The following LRRC4C variants were observed in gnomAD, a reference collection of about 807,000 sequenced individuals.
The protein encoded by LRRC4C is leucine rich repeat containing 4C, also known as leucine-rich repeat-containing protein 4C.
In LRRC4C, 5 loss-of-function variants were observed where a neutral mutation model predicts 33.6. The observed-to-expected ratio is 0.15, with a 90% CI of 0.08 to 0.31. The LOEUF (loss-of-function observed/expected upper bound fraction) is 0.31. LRRC4C is among the 10% of genes least tolerant of loss of function. LRRC4C has a pLI of 1.00. For missense variants in LRRC4C, 560 were observed against 796.7 expected, an observed-to-expected ratio of 0.70 and a Z score of 3.58; for synonymous variants, 329 against 302.0, an observed-to-expected ratio of 1.09 and a Z score of -0.93.
At chr11:40,737,290 T>A (rs528739816) in intron 2 of LRRC4C, among the ~76,000 whole-genome samples, 2 of 152,278 alleles carry the variant, frequency 1.3e-5, no homozygotes, top group South Asian at 4.1e-4. Context: ...TCTGGAAGCA[T>A]TCCCTTTGAA....
At chr11:40,841,893 C>T (rs1002895307) in intron 2 of LRRC4C, among the ~76,000 whole-genome samples, 3 of 152,178 alleles carry the variant, frequency 2.0e-5, no homozygotes, top group Non-Finnish European at 4.4e-5. Flanking sequence ...CTTCCAGTAA[C>T]CACACTCTAG....
intron 3 of LRRC4C, among the ~76,000 whole-genome samples, chr11:40,626,692 G>A (rs929545422): frequency 6.6e-6 from 1 of 152,156 alleles, no homozygotes; most frequent in Non-Finnish European, 1.5e-5. Context: ...TCCACATACA[G>A]TCCTAATATC....
chr11:40,595,327 A>G (rs905151026), intron 3 of LRRC4C, among the ~76,000 whole-genome samples: 4 of 152,100 alleles, frequency 2.6e-5, no homozygotes, highest in Admixed American at 2.0e-4. Flanking sequence ...ATAATATGAA[A>G]ATATTATCGA....
At chr11:40,658,785 A>T (rs1943261933) in intron 2 of LRRC4C, among the ~76,000 whole-genome samples, 1 of 152,234 alleles carries the variant, frequency 6.6e-6, no homozygotes, top group Non-Finnish European at 1.5e-5. Flanking sequence ...AGGTATAGGA[A>T]CAATGGAAAT....
rs557822014 is a variant in LRRC4C at position 40,450,621 on chromosome 11, T to G, written c.-269-130900A>C. Among the ~76,000 whole-genome samples, 22 of 152,168 alleles carry G rather than the reference T, an allele frequency of 1.4e-4. No individual in the cohort carries two copies. In the East Asian group the frequency reaches 4.1e-3, roughly 28 times the overall value. ...TATAATCATTTAGCAAAGCCCAGGCTTGGAGCCTGTTAGAAAGTATTACAC... is the reference window on the plus strand; with the variant it reads ...TATAATCATTTAGCAAAGCCCAGGCGTGGAGCCTGTTAGAAAGTATTACAC... On this transcript the variant is annotated intron_variant, in intron 3 of 6. Coordinates refer to ENST00000528697, the MANE Select transcript of LRRC4C (RefSeq NM_001258419.2).
chr11:40,497,581 C>T (rs1053737616), intron 3 of LRRC4C, among the ~76,000 whole-genome samples: 8 of 152,228 alleles, frequency 5.3e-5, no homozygotes, highest in African/African-American at 1.9e-4. Context: ...GGTGAAGCTA[C>T]AAAAGAAATG....
intron 3 of LRRC4C, among the ~76,000 whole-genome samples, chr11:40,437,017 C>CA (rs1286304070): frequency 6.6e-6 from 1 of 152,286 alleles, no homozygotes; most frequent in East Asian, 1.9e-4. Flanking sequence ...CAGGGATGAG[C>CA]AGCTGCTAGG....
At chr11:41,139,015 A>G (rs183144272) in intron 1 of LRRC4C, among the ~76,000 whole-genome samples, 14 of 152,270 alleles carry the variant, frequency 9.2e-5, no homozygotes, top group Admixed American at 8.5e-4. Flanking sequence ...ATTTGGGACT[A>G]ATTTGTTTGT....
At chr11:40,853,771 T>A (rs186277536) in intron 2 of LRRC4C, among the ~76,000 whole-genome samples, 1 of 152,262 alleles carries the variant, frequency 6.6e-6, no homozygotes, top group Admixed American at 6.5e-5. Flanking sequence ...GGGAAGGAAA[T>A]GTTACTTTAG....
chr11:40,601,037 T>C (rs1191060673), intron 3 of LRRC4C, among the ~76,000 whole-genome samples: 1 of 152,218 alleles, frequency 6.6e-6, no homozygotes. Context: ...GCTTTCATTA[T>C]GGTAGTCCTA....
chr11:40,620,293 A>G (rs922430485), intron 3 of LRRC4C, among the ~76,000 whole-genome samples: 10 of 151,704 alleles, frequency 6.6e-5, no homozygotes, highest in African/African-American at 2.4e-4. Flanking sequence ...TAAAGAAAAA[A>G]ATCAGAATCT....
At chr11:41,428,002 C>T (rs2138391289) in intron 1 of LRRC4C, among the ~76,000 whole-genome samples, 1 of 152,120 alleles carries the variant, frequency 6.6e-6, no homozygotes, top group East Asian at 1.9e-4. Flanking sequence ...AAAACAACCC[C>T]ACCCCTATCT....
chr11:41,109,549 C>G (rs749793094), intron 1 of LRRC4C, among the ~76,000 whole-genome samples: 2 of 152,044 alleles, frequency 1.3e-5, no homozygotes, highest in Non-Finnish European at 2.9e-5. Flanking sequence ...AAATGACAAC[C>G]TTTTAATTTT....
chr11:41,155,781 C>T (rs1944204556), intron 1 of LRRC4C, among the ~76,000 whole-genome samples: 1 of 152,128 alleles, frequency 6.6e-6, no homozygotes, highest in Non-Finnish European at 1.5e-5. Context: ...ATTAATCTCT[C>T]TCTCTTTTCC....
intron 6 of LRRC4C, among the ~76,000 whole-genome samples, chr11:40,119,698 C>T (rs946508679): frequency 6.6e-6 from 1 of 152,108 alleles, no homozygotes; most frequent in Non-Finnish European, 1.5e-5. Flanking sequence ...TTCTGATGTT[C>T]TAACATTTGA....
At chr11:41,261,785 T>G (rs918559815) in intron 1 of LRRC4C, among the ~76,000 whole-genome samples, 1 of 152,116 alleles carries the variant, frequency 6.6e-6, no homozygotes, top group Admixed American at 6.6e-5. Flanking sequence ...GGAAACAGCA[T>G]GATCAGCTGG....
At chr11:41,021,735 C>T (rs1383133372) in intron 1 of LRRC4C, among the ~76,000 whole-genome samples, 1 of 152,056 alleles carries the variant, frequency 6.6e-6, no homozygotes, top group Non-Finnish European at 1.5e-5. Flanking sequence ...CTGCCTGAGA[C>T]ACAGAATTTG....
At chr11:40,938,344 T>C (rs1180873047) in intron 1 of LRRC4C, among the ~76,000 whole-genome samples, 1 of 147,076 alleles carries the variant, frequency 6.8e-6, no homozygotes, top group Admixed American at 6.6e-5. Flanking sequence ...GAGGAAAGCC[T>C]ATGGATAATT....
At chr11:40,702,885 G>A (rs906594463) in intron 2 of LRRC4C, among the ~76,000 whole-genome samples, 2 of 152,060 alleles carry the variant, frequency 1.3e-5, no homozygotes, top group African/African-American at 2.4e-5. Flanking sequence ...GTGTGAAAAG[G>A]ATTTAAAAGT....
Sources: gnomAD v4.1 joint callset for allele counts (sites outside exome capture counted in the v4.1 genomes callset) on GRCh38, gnomAD v4.1.1 for gene constraint, MANE v1.5 for transcripts, NCBI Gene and HGNC (gene_info 2026-07-23, HGNC 2026-07-21) for gene names.